Variants in CELF2 observed in about 807,000 individuals in gnomAD.
CELF2 encodes CUGBP Elav-like family member 2.
Under a neutral mutation model 62.6 loss-of-function variants are expected in CELF2, and 8 were observed. The ratio of observed to expected loss-of-function variants is 0.13; its 90% CI spans 0.07 to 0.23. CELF2 has a LOEUF of 0.23. CELF2 is among the 10% of genes least tolerant of loss of function. CELF2 has a pLI of 1.00. For synonymous variants in CELF2, 258 were observed against 250.0 expected (o/e 1.03, Z -0.30); for missense variants, 333 against 671.0 (o/e 0.50, Z 5.56).
the CELF2 span, among the ~76,000 whole-genome samples, chr10:10,680,210 T>C: frequency 2.6e-5 from 4 of 152,154 alleles, no homozygotes; most frequent in Non-Finnish European, 4.4e-5. Context: ...AAAAAATGTA[T>C]ATACACTGCA....
At chr10:10,906,754 C>G (rs566181013) in intron 1 of CELF2, among the ~76,000 whole-genome samples, 4 of 119,088 alleles carry the variant, frequency 3.4e-5, no homozygotes, top group Admixed American at 3.2e-4. Context: ...GAGTCTCACT[C>G]TGTCGCCAGG....
At chr10:10,686,061 G>T in the CELF2 span, among the ~76,000 whole-genome samples, 1 of 152,186 alleles carries the variant, frequency 6.6e-6, no homozygotes, top group South Asian at 2.1e-4. Flanking sequence ...GCTGCTTAAT[G>T]TGACAGGACA....
At chr10:10,784,161 G>A in the CELF2 span, among the ~76,000 whole-genome samples, 1 of 152,168 alleles carries the variant, frequency 6.6e-6, no homozygotes, top group Admixed American at 6.5e-5. Context: ...ATGAGCAACA[G>A]GGATATGCCT....
chr10:10,716,930 C>G, the CELF2 span, among the ~76,000 whole-genome samples: 1 of 152,114 alleles, frequency 6.6e-6, no homozygotes, highest in African/African-American at 2.4e-5. Context: ...CAGTGAAATG[C>G]TCGTGTAATT....
At chr10:11,023,267 G>C (rs1414380412) in intron 1 of CELF2, among the ~76,000 whole-genome samples, 1 of 152,222 alleles carries the variant, frequency 6.6e-6, no homozygotes, top group Non-Finnish European at 1.5e-5. Context: ...CCTCCACCAA[G>C]GAGGTGCCGA....
chr10:10,998,835 T>A (rs1027716160), intron 2 of CELF2, among the ~76,000 whole-genome samples: 1 of 152,284 alleles, frequency 6.6e-6, no homozygotes, highest in African/African-American at 2.4e-5. Context: ...ACCACAAAAA[T>A]CACCCTCCTG....
chr10:11,335,738 A>T lies in CELF2; in HGVS notation c.*6685A>T, dbSNP rs938460562. 1 of 151,796 alleles carries T rather than the reference A, an allele frequency of 6.6e-6. No homozygotes were observed. The highest frequency in any genetic ancestry group is 1.5e-5 in the Non-Finnish European group (1 of 67,942). 9.4% of individuals were successfully genotyped at this position (151,796 alleles called of 1,614,324 possible). On this transcript the variant is annotated 3_prime_UTR_variant, in exon 13 of 13. Transcript: ENST00000633077. The surrounding 1 kb of genome is among the most constrained non-coding windows in gnomAD (Gnocchi z 5.0). The stretch of plus-strand genomic sequence containing the variant: ...AGGTGGGAGGGGGATGTTGGGAGGC[A>T]TGGGGGGTGATTAAATTATCATTTC...
chr10:11,232,425 G>C (rs2069100809), intron 3 of CELF2, among the ~76,000 whole-genome samples: 1 of 152,110 alleles, frequency 6.6e-6, no homozygotes, highest in Non-Finnish European at 1.5e-5. Flanking sequence ...CTTCACCCGT[G>C]ATCTTGGGGG....
At chr10:10,926,813 G>C (rs530130876) in intron 2 of CELF2, among the ~76,000 whole-genome samples, 1 of 152,178 alleles carries the variant, frequency 6.6e-6, no homozygotes, top group Non-Finnish European at 1.5e-5. Context: ...TTAAAGAATG[G>C]CATCCATGCC....
At chr10:10,662,172 A>T in the CELF2 span, among the ~76,000 whole-genome samples, 1 of 152,170 alleles carries the variant, frequency 6.6e-6, no homozygotes, top group East Asian at 1.9e-4. Context: ...CGTCCACTGT[A>T]CCAGCTCAGC....
intron 3 of CELF2, among the ~76,000 whole-genome samples, chr10:11,229,805 G>C (rs899577987): frequency 6.6e-6 from 1 of 152,252 alleles, no homozygotes; most frequent in Admixed American, 6.5e-5. Flanking sequence ...AGCCAGGCTA[G>C]TCTTGAACTC....
At position 11,272,441 on chromosome 10, in the gene CELF2, C is replaced by A. The variant is rs554076179; in HGVS notation, c.777+1617C>A. On this transcript the variant is annotated intron_variant, in intron 7 of 12. Coordinates refer to ENST00000633077, the MANE Select transcript of CELF2 (RefSeq NM_001326342.2). ...GAATTTTTGTCTGAGGCTGACATCACGCTCACCTTCCTGTACTTTCTAAGA... is the reference window on the plus strand; with the variant it reads ...GAATTTTTGTCTGAGGCTGACATCAAGCTCACCTTCCTGTACTTTCTAAGA... Among the ~76,000 whole-genome samples the A allele has an allele frequency of 2.6e-5, 4 of 152,252 alleles. No individual in the cohort carries two copies. In the East Asian group the frequency reaches 7.7e-4, roughly 29 times the overall value.
intron 1 of CELF2, among the ~76,000 whole-genome samples, chr10:11,164,803 C>G (rs1040977286): frequency 1.3e-5 from 2 of 152,072 alleles, no homozygotes; most frequent in Admixed American, 1.3e-4. Flanking sequence ...CGGCCTTTTT[C>G]TCCAGCGTGG....
the CELF2 span, among the ~76,000 whole-genome samples, chr10:10,470,699 T>A: frequency 6.6e-6 from 1 of 151,348 alleles, no homozygotes; most frequent in African/African-American, 2.4e-5. Context: ...TAAGGCCCCA[T>A]GTGATGATAC....
chr10:11,319,911 T>A lies in CELF2; in HGVS notation c.1097-1278T>A. The A allele has an allele frequency of 2.1e-6, 1 of 470,142 alleles. No individual in the cohort carries two copies. The highest frequency in any genetic ancestry group is 4.4e-6 in the Non-Finnish European group (1 of 226,782). 29.1% of individuals were successfully genotyped at this position (470,142 alleles called of 1,614,324 possible). A position where few individuals can be genotyped will look rare whatever the true frequency, so the allele number is the denominator to read the frequency against. On this transcript the variant is annotated intron_variant, in intron 10 of 12. Transcript: ENST00000633077. This position sits in a 1 kb window ranked among gnomAD's most constrained non-coding sequence, Gnocchi z 4.4. ...GCGTTGCTGGGCGTGTGGAGGTCAC[T>A]CTGCTGCCGGATTCTCTGGTGTTTC...
At chr10:10,792,352 G>C in the CELF2 span, 1 of 398,192 alleles carries the variant, frequency 2.5e-6, no homozygotes, top group African/African-American at 2.1e-5. Flanking sequence ...GTGGGGAGTG[G>C]GTAATAATGG....
chr10:11,084,536 C>T (rs937222989), intron 1 of CELF2, among the ~76,000 whole-genome samples: 1 of 152,040 alleles, frequency 6.6e-6, no homozygotes, highest in Non-Finnish European at 1.5e-5. Flanking sequence ...GAAAGATGGA[C>T]AGTATATTAA....
At position 10,931,288 on chromosome 10, in the gene CELF2, A is replaced by T. The variant is rs1305856209; in HGVS notation, c.89+11289A>T. On this transcript the variant is annotated intron_variant, in intron 2 of 13. Transcript: ENST00000636488. The surrounding 1 kb of genome is among the most constrained non-coding windows in gnomAD (Gnocchi z 6.1). ...TATAAAACCAAGCTGAGGCAGTGACATGAGCCAGCAGAGAAAATAAATTCC... is the reference window on the plus strand; with the variant it reads ...TATAAAACCAAGCTGAGGCAGTGACTTGAGCCAGCAGAGAAAATAAATTCC... Among the ~76,000 whole-genome samples, 1 of 152,228 alleles carries T rather than the reference A, an allele frequency of 6.6e-6. No homozygotes were observed. The highest frequency in any genetic ancestry group is 1.5e-5 in the Non-Finnish European group (1 of 68,036).
chr10:10,606,945 CT>C, the CELF2 span, among the ~76,000 whole-genome samples: 1 of 152,096 alleles, frequency 6.6e-6, no homozygotes, highest in South Asian at 2.1e-4. Flanking sequence ...TAAGGTTACC[CT>C]CACCTCATTC....
Sources: gnomAD v4.1 joint callset for allele counts (sites outside exome capture counted in the v4.1 genomes callset) on GRCh38, gnomAD v4.1.1 for gene constraint, Gnocchi (gnomAD v3.1) non-coding constraint, MANE v1.5 for transcripts, NCBI Gene and HGNC (gene_info 2026-07-23, HGNC 2026-07-21) for gene names.